Variants in TMEFF2 observed in about 807,000 individuals in gnomAD.
TMEFF2 encodes the protein transmembrane protein with EGF like and two follistatin like domains 2.
Under a neutral mutation model 53.8 loss-of-function variants are expected in TMEFF2, and 28 were observed. The ratio of observed to expected loss-of-function variants is 0.52; its 90% CI spans 0.39 to 0.71. The LOEUF (loss-of-function observed/expected upper bound fraction) is 0.71. Among genes scored for constraint, TMEFF2 ranks in the 30% least tolerant of loss-of-function variants. TMEFF2 has a pLI of 0.00. For synonymous variants in TMEFF2, 162 were observed against 166.3 expected (o/e 0.97, Z 0.20); for missense variants, 353 against 455.2 (o/e 0.78, Z 2.04).
chr2:192,084,779 A>C lies in TMEFF2; in HGVS notation c.440-27004T>G, dbSNP rs1574358648. ...ATGACAAAAAGCATTTTAAAATGTG[A>C]GTGGGTGTCTAGCACAGGTTGATTG... On this transcript the variant is annotated intron_variant, in intron 4 of 9. Coordinates refer to ENST00000272771, the MANE Select transcript of TMEFF2 (RefSeq NM_016192.4). Among the ~76,000 whole-genome samples, 4 of 152,290 alleles carry C rather than the reference A, an allele frequency of 2.6e-5. No homozygotes were observed. The East Asian group carries it at 7.7e-4, about 29-fold the overall frequency.
chr2:192,179,303 T>C (rs1422565916), intron 4 of TMEFF2: 1 of 200,150 alleles, frequency 5.0e-6, no homozygotes, highest in Non-Finnish European at 1.0e-5. Flanking sequence ...GTGTCATATA[T>C]TTAAAAATCC....
chr2:191,969,222 GAATGAATA>G (rs990019092), intron 7 of TMEFF2, among the ~76,000 whole-genome samples: 7 of 151,294 alleles, frequency 4.6e-5, no homozygotes, highest in African/African-American at 1.7e-4. Context: ...TCAATATATA[GAATGAATA>G]AATAAATGAA....
At chr2:192,166,640 A>G (rs1690775676) in intron 4 of TMEFF2, among the ~76,000 whole-genome samples, 1 of 152,200 alleles carries the variant, frequency 6.6e-6, no homozygotes, top group Non-Finnish European at 1.5e-5. Context: ...TCAAGCAGTT[A>G]CAATACTAGA....
chr2:192,141,557 G>A (rs187134313), intron 4 of TMEFF2, among the ~76,000 whole-genome samples: 79 of 151,680 alleles, frequency 5.2e-4, no homozygotes, highest in African/African-American at 1.8e-3. Flanking sequence ...AATAATTCCA[G>A]GTAGATGGGA....
At chr2:192,162,047 A>G (rs1322039712) in intron 4 of TMEFF2, among the ~76,000 whole-genome samples, 1 of 152,192 alleles carries the variant, frequency 6.6e-6, no homozygotes, top group Non-Finnish European at 1.5e-5. Context: ...AGGATGCCTC[A>G]GGCTGCTTCC....
At chr2:192,166,085 T>C (rs1282829178) in intron 4 of TMEFF2, among the ~76,000 whole-genome samples, 1 of 151,924 alleles carries the variant, frequency 6.6e-6, no homozygotes, top group Admixed American at 6.6e-5. Flanking sequence ...GCAGTGGGAG[T>C]ATAGGTGTGT....
chr2:192,001,374 TTA>T (rs576312731), intron 5 of TMEFF2, among the ~76,000 whole-genome samples: 186 of 152,126 alleles, frequency 1.2e-3, no homozygotes, highest in African/African-American at 1.8e-3. Flanking sequence ...TTATTAATAT[TTA>T]TGTTTTTGTA....
At chr2:192,078,499 G>C (rs925552360) in intron 4 of TMEFF2, among the ~76,000 whole-genome samples, 2 of 152,166 alleles carry the variant, frequency 1.3e-5, no homozygotes, top group African/African-American at 2.4e-5. Context: ...CAGCAATAGA[G>C]AGTAAGAATT....
At chr2:191,967,337 G>GAT (rs1319506829) in intron 7 of TMEFF2, among the ~76,000 whole-genome samples, 9 of 151,672 alleles carry the variant, frequency 5.9e-5, no homozygotes, top group South Asian at 4.2e-4. Flanking sequence ...TATGTATATA[G>GAT]ATATATATAT....
intron 4 of TMEFF2, among the ~76,000 whole-genome samples, chr2:192,122,087 T>C (rs1689569429): frequency 6.6e-6 from 1 of 152,150 alleles, no homozygotes; most frequent in Non-Finnish European, 1.5e-5. Context: ...ATATTTCAGG[T>C]GATGAATATG....
chr2:192,013,000 AAG>A (rs1187826913), intron 5 of TMEFF2, among the ~76,000 whole-genome samples: 3 of 152,236 alleles, frequency 2.0e-5, no homozygotes, highest in Non-Finnish European at 2.9e-5. Flanking sequence ...CCAGGGAAAT[AAG>A]AGAGTTTCTG....
chr2:191,995,770 A>G (rs1031147386), intron 7 of TMEFF2, among the ~76,000 whole-genome samples: 4 of 152,060 alleles, frequency 2.6e-5, no homozygotes, highest in African/African-American at 9.7e-5. Context: ...ATCTTGACGT[A>G]TGCAATCTAT....
rs367988290 is a variant in TMEFF2 at position 191,964,345 on chromosome 2, T to C, written c.746-7967A>G. ...CTTCCTTTCTTTCCTTCTTTCTTTC[T>C]TTCTTTCTTTCTTTCTTTCTTTCTT... On this transcript the variant is annotated intron_variant, in intron 7 of 9. Transcript: ENST00000272771. 2.1e-3 allele frequency among the ~76,000 whole-genome samples: 164 copies of C among 78,162 alleles called. 2 individuals carry two copies. Among genetic ancestry groups the C allele is most frequent in the Middle Eastern group, 0.018 (3 of 166 alleles). The allele number at this position is 78,162 out of a possible 152,430, so 51.3% of individuals were successfully genotyped here.
intron 4 of TMEFF2, among the ~76,000 whole-genome samples, chr2:192,152,205 G>A (rs1690403788): frequency 6.6e-6 from 1 of 151,926 alleles, no homozygotes; most frequent in South Asian, 2.1e-4. Context: ...TGGTGTGACT[G>A]TGGGTGACAG....
intron 4 of TMEFF2, among the ~76,000 whole-genome samples, chr2:192,135,220 C>T (rs913031701): frequency 4.6e-5 from 7 of 152,314 alleles, no homozygotes; most frequent in African/African-American, 1.4e-4. Flanking sequence ...TTTCTCCAAG[C>T]CATCACAGCT....
intron 7 of TMEFF2, 86 bp downstream of exon 7, chr2:191,998,176 A>C (rs576785619): frequency 1.9e-6 from 2 of 1,050,508 alleles, no homozygotes; most frequent in Non-Finnish European, 2.8e-6. Flanking sequence ...TGCAAGCTTC[A>C]CTTTGGAATA....
chr2:192,033,932 C>G (rs1403035709), intron 5 of TMEFF2, among the ~76,000 whole-genome samples: 1 of 151,902 alleles, frequency 6.6e-6, no homozygotes, highest in African/African-American at 2.4e-5. Flanking sequence ...TCCCAGCACT[C>G]TGGGAGGCCT....
chr2:192,039,160 AG>A (rs2105883535), intron 5 of TMEFF2, among the ~76,000 whole-genome samples: 1 of 152,300 alleles, frequency 6.6e-6, no homozygotes, highest in South Asian at 2.1e-4. Context: ...ACTGGGTTAA[AG>A]TTTTCAGCAG....
intron 5 of TMEFF2, among the ~76,000 whole-genome samples, chr2:192,005,813 TGCTTATGATACTTTAA>T (rs1430985043): frequency 6.6e-6 from 1 of 152,198 alleles, no homozygotes; most frequent in Non-Finnish European, 1.5e-5. Context: ...TCATTCAAGA[TGCTTATGATACTTTAA>T]GCCCATTTAC....
Sources: allele counts gnomAD v4.1 joint callset (sites outside exome capture counted in the v4.1 genomes callset), GRCh38; gene constraint gnomAD v4.1.1; transcripts MANE v1.5; gene names NCBI Gene and HGNC (gene_info 2026-07-23, HGNC 2026-07-21).